ACTR6: variants seen among roughly 807,000 people sequenced by gnomAD.
ACTR6 encodes actin related protein 6.
A neutral mutation model predicts 52.5 loss-of-function variants in ACTR6; 50 were observed. The observed-to-expected ratio is 0.95, with a 90% CI of 0.76 to 1.20. ACTR6 has a LOEUF of 1.20. ACTR6 is among the 50% of genes most tolerant of loss of function. The pLI is 0.00. For missense variants in ACTR6, 344 were observed against 472.4 expected (o/e 0.73, Z 2.52); for synonymous variants, 135 against 147.2 (o/e 0.92, Z 0.60).
chr12:100,206,595 C>T (rs2096114858), intron 3 of ACTR6, among the ~76,000 whole-genome samples: 1 of 151,998 alleles, frequency 6.6e-6, no homozygotes, highest in Admixed American at 6.6e-5. Context: ...TGGGCTCAAG[C>T]AATCCGCCCA....
chr12:100,222,195 C>T (rs975650597), intron 10 of ACTR6, among the ~76,000 whole-genome samples: 6 of 150,976 alleles, frequency 4.0e-5, no homozygotes, highest in African/African-American at 7.3e-5. Flanking sequence ...CCTTGTGATC[C>T]GCCTGCCTTG....
At chr12:100,206,496 ACATCTG>A (rs1273229597) in intron 3 of ACTR6, among the ~76,000 whole-genome samples, 3 of 151,688 alleles carry the variant, frequency 2.0e-5, no homozygotes, top group African/African-American at 7.3e-5. Context: ...CATAAATAAA[ACATCTG>A]CAAGTTTTTT....
intron 4 of ACTR6, among the ~76,000 whole-genome samples, chr12:100,208,327 T>C (rs115336271): frequency 2.6e-3 from 391 of 152,138 alleles, no homozygotes; most frequent in African/African-American, 9.0e-3. Context: ...GTTGCCCAGG[T>C]TGGCATGTGA....
In ACTR6 at chr12:100,210,310, A is replaced by G. The variant is rs1401944205; in HGVS notation, c.531A>G (p.Gly177=). The change falls in exon 6 of 11, where the codon GGA becomes GGG. Residue 177 remains glycine (G), a synonymous_variant. Transcript: ENST00000188312. ...KEAIIRINVG[G]KLLTNHLKEI... Reference sequence around the variant, plus strand: ...CCCCTTGCAGGATAAATGTGGGAGGAAAACTCTTAACCAATCATCTAAAGG... The same window carrying G: ...CCCCTTGCAGGATAAATGTGGGAGGGAAACTCTTAACCAATCATCTAAAGG... The G allele has an allele frequency of 1.9e-6, 3 of 1,614,008 alleles. No homozygotes were observed. The highest frequency in any genetic ancestry group is 2.5e-6 in the Non-Finnish European group (3 of 1,179,998).
chr12:100,210,339 T>C lies in ACTR6; in HGVS notation c.560T>C (p.Ile187Thr). Residue 187 changes from isoleucine to threonine, a missense_variant, in exon 6 of 11, where the codon ATC becomes ACC. Coordinates refer to ENST00000188312, the MANE Select transcript of ACTR6 (RefSeq NM_022496.5). The part of the protein sequence containing the change: ...GKLLTNHLKE[I>T]ISYRQLHVMD... ...CTCTTAACCAATCATCTAAAGGAGA[T>C]CATATCTTACAGGTGATGCTTAGCT... is the stretch of plus-strand genomic sequence containing the variant. The C allele has an allele frequency of 6.2e-7, 1 of 1,614,014 alleles. No individual in the cohort carries two copies.
At chr12:100,205,579 G>T in intron 2 of ACTR6, 97 bp from the exon 3 acceptor site, 2 of 722,516 alleles carry the variant, frequency 2.8e-6, no homozygotes, top group African/African-American at 1.9e-5. Context: ...CAGTGATTTG[G>T]AATCTGATTT....
Position 100,218,703 on chromosome 12 carries a change from C to A in ACTR6, c.922+117C>A. Reference sequence around the variant, plus strand: ...CAAATTGGTGAGTCTGTTTTATTTGCAGAGATTTGTAGATCCCATAATGCA... The same window carrying A: ...CAAATTGGTGAGTCTGTTTTATTTGAAGAGATTTGTAGATCCCATAATGCA... On this transcript the variant is annotated intron_variant, in intron 9 of 10. Coordinates refer to ENST00000188312, the MANE Select transcript of ACTR6 (RefSeq NM_022496.5). This position sits in a 1 kb window ranked among gnomAD's most constrained non-coding sequence, Gnocchi z 4.2. The A allele has an allele frequency of 1.7e-6, 1 of 592,986 alleles. No individual in the cohort carries two copies. The allele number at this position is 592,986 out of a possible 1,614,324, so 36.7% of individuals were successfully genotyped here.
chr12:100,214,552 C>G (rs934563922), intron 8 of ACTR6, among the ~76,000 whole-genome samples: 1 of 149,768 alleles, frequency 6.7e-6, no homozygotes, highest in Admixed American at 6.6e-5. Context: ...AAAGTGAGAC[C>G]CTGTCTCTAC....
intron 9 of ACTR6, among the ~76,000 whole-genome samples, chr12:100,219,053 C>T (rs571094148): frequency 6.6e-6 from 1 of 151,046 alleles, no homozygotes; most frequent in South Asian, 2.1e-4. Context: ...TGAAACATGC[C>T]TTAAGTAAAT....
chr12:100,219,682 T>A (rs1385530826), intron 9 of ACTR6, among the ~76,000 whole-genome samples: 2 of 152,196 alleles, frequency 1.3e-5, no homozygotes, highest in African/African-American at 4.8e-5. Flanking sequence ...TAATTATAAT[T>A]ACCAACTGTT....
chr12:100,206,527 C>G (rs991563807), intron 3 of ACTR6, among the ~76,000 whole-genome samples: 1 of 151,722 alleles, frequency 6.6e-6, no homozygotes, highest in Non-Finnish European at 1.5e-5. Context: ...TTATGATTTT[C>G]TTTTCTTTTT....
At position 100,200,913 on chromosome 12, in the gene ACTR6, A is replaced by T. The variant is rs1489419887; in HGVS notation, c.62A>T (p.Asn21Ile). 1 of 1,614,148 alleles carries T rather than the reference A, an allele frequency of 6.2e-7. No homozygotes were observed. Among genetic ancestry groups the T allele is most frequent in the Non-Finnish European group, 8.5e-7 (1 of 1,180,010 alleles). Residue 21 changes from asparagine (N) to isoleucine (I), a missense_variant, in exon 1 of 11, where the codon AAT becomes ATT. By Grantham distance (149) the Asn-to-Ile change is moderately radical (BLOSUM62 -3). Transcript: ENST00000188312. ...YNAKIGYSHE[N>I]VSVIPNCQFR... The stretch of plus-strand genomic sequence containing the variant: ...GCCAAAATCGGTTACAGCCATGAAA[A>T]TGTGTCGTAAGTACTTTCTTTCTCC...
chr12:100,207,461 T>A (rs1039388257), intron 3 of ACTR6, among the ~76,000 whole-genome samples: 1 of 152,174 alleles, frequency 6.6e-6, no homozygotes, highest in African/African-American at 2.4e-5. Context: ...TGGATTCAAA[T>A]CTTACCTATG....
At position 100,213,253 on chromosome 12, in the gene ACTR6, T is replaced by A. The variant is rs555623354; in HGVS notation, c.750+725T>A. Among the ~76,000 whole-genome samples the A allele has an allele frequency of 9.2e-5, 14 of 152,126 alleles. No homozygotes were observed. In the South Asian group the frequency reaches 2.9e-3, roughly 32 times the overall value. ...GATTGCAGGCATGTGCCACCACGCC[T>A]GGTTCATATTTGTATTTTTTGTAGA... On this transcript the variant is annotated intron_variant, in intron 8 of 10. Transcript: ENST00000188312.
chr12:100,204,169 A>G (rs898252233), intron 1 of ACTR6: 6 of 151,888 alleles, frequency 4.0e-5, no homozygotes, highest in Non-Finnish European at 7.4e-5. Flanking sequence ...TTTTTGTGTT[A>G]TTATTATTTT....
chr12:100,210,089 A>C lies in ACTR6; in HGVS notation c.396A>C (p.Ala132=), dbSNP rs35481956. ...VLRVNAGALS[A]HRYFRDNPSE... is the part of the protein sequence containing the mutation. ...TTTAAATAGCTGGGGCTCTCAGTGC[A>C]CATAGGTATTTCCGAGATAATCCTT... The change falls in exon 5 of 11, where the codon GCA becomes GCC. Residue 132 remains alanine (A), a synonymous_variant. Transcript: ENST00000188312. 220 of 1,603,416 alleles carry C rather than the reference A, an allele frequency of 1.4e-4. No individual in the cohort carries two copies. The African/African-American group carries it at 2.7e-3, about 20-fold the overall frequency.
chr12:100,208,534 C>T (rs1165175930), intron 4 of ACTR6, among the ~76,000 whole-genome samples: 1 of 152,168 alleles, frequency 6.6e-6, no homozygotes, highest in Non-Finnish European at 1.5e-5. Flanking sequence ...CTTGCCCTCC[C>T]AAAATGCTGG....
At position 100,224,013 on chromosome 12, in the gene ACTR6, AG is replaced by A; in HGVS notation, c.*100del. On this transcript the variant is annotated 3_prime_UTR_variant, in exon 11 of 11. Coordinates refer to ENST00000188312, the MANE Select transcript of ACTR6 (RefSeq NM_022496.5). ...TGTGTTACCTTTTGTCCTAAGAAAA[AG>A]GCTTGAATTTATGTAAATACTTTGA... 5 of 1,357,338 alleles carry A rather than the reference AG, an allele frequency of 3.7e-6. No homozygotes were observed. Among genetic ancestry groups the A allele is most frequent in the Non-Finnish European group, 4.9e-6 (5 of 1,014,364 alleles). 84.1% of individuals were successfully genotyped at this position (1,357,338 alleles called of 1,614,324 possible).
intron 2 of ACTR6, 151 bp downstream of exon 2, chr12:100,205,208 C>T (rs1347633511): frequency 2.3e-5 from 12 of 527,280 alleles, no homozygotes; most frequent in African/African-American, 3.9e-5. Context: ...TAAAAATAAA[C>T]GACCATGATT....
Sources: gnomAD v4.1 joint callset for allele counts (sites outside exome capture counted in the v4.1 genomes callset) on GRCh38, gnomAD v4.1.1 for gene constraint, Gnocchi (gnomAD v3.1) non-coding constraint, MANE v1.5 for transcripts, NCBI Gene and HGNC (gene_info 2026-07-23, HGNC 2026-07-21) for gene names.